RORA: variants seen among roughly 807,000 people sequenced by gnomAD.
RORA encodes nuclear receptor ROR-alpha.
RORA carries 7 observed loss-of-function variants against 69.5 expected under a neutral mutation model. The ratio of observed to expected loss-of-function variants is 0.10; its 90% CI spans 0.06 to 0.19. RORA has a LOEUF of 0.19. Ranked by LOEUF, RORA falls within the 10% of genes least tolerant of loss-of-function variation. The pLI is 1.00. For missense variants in RORA, 457 were observed against 663.0 expected, an observed-to-expected ratio of 0.69 and a Z score of 3.41; for synonymous variants, 261 against 240.8, an observed-to-expected ratio of 1.08 and a Z score of -0.78.
chr15:60,548,716 C>T (rs1292843436), intron 2 of RORA, among the ~76,000 whole-genome samples: 2 of 152,192 alleles, frequency 1.3e-5, no homozygotes, highest in Non-Finnish European at 2.9e-5. Context: ...CGGCTCACTG[C>T]AACCTCCACC....
At chr15:61,124,435 G>A (rs547902915) in intron 1 of RORA, among the ~76,000 whole-genome samples, 1 of 152,240 alleles carries the variant, frequency 6.6e-6, no homozygotes, top group South Asian at 2.1e-4. Flanking sequence ...CTGCCCCTCT[G>A]AGAGCAGAGT....
At chr15:61,077,285 T>C (rs1392837564) in intron 1 of RORA, among the ~76,000 whole-genome samples, 1 of 152,036 alleles carries the variant, frequency 6.6e-6, no homozygotes, top group Admixed American at 6.5e-5. Context: ...AACAAATGAT[T>C]TTAGAAGGAC....
intron 1 of RORA, among the ~76,000 whole-genome samples, chr15:60,763,065 ATTTTTTTTTTTTTT>A (rs374433414): frequency 3.1e-4 from 15 of 48,368 alleles, no homozygotes; most frequent in East Asian, 2.1e-3. Flanking sequence ...ATATGCACAG[ATTTTTTTTTTTTTT>A]TTTTTTTTTT....
chr15:60,511,933 A>G lies in RORA; in HGVS notation c.425-312T>C. ...CCCCCGTTTCCACTGCGCCCCACTG[A>G]TAACTTAATGGGCTTGTTCACTCTC... On this transcript the variant is annotated intron_variant, in intron 4 of 10. Coordinates refer to ENST00000335670, the MANE Select transcript of RORA (RefSeq NM_134261.3). The surrounding 1 kb of genome is among the most constrained non-coding windows in gnomAD (Gnocchi z 6.4). 1 of 295,850 alleles carries G rather than the reference A, an allele frequency of 3.4e-6. No individual in the cohort carries two copies. The highest frequency in any genetic ancestry group is 6.4e-6 in the Non-Finnish European group (1 of 157,124). 18.3% of individuals were successfully genotyped at this position (295,850 alleles called of 1,614,324 possible). A position where few individuals can be genotyped will look rare whatever the true frequency, so the allele number is the denominator to read the frequency against.
intron 2 of RORA, among the ~76,000 whole-genome samples, chr15:60,659,380 G>A (rs575278063): frequency 6.6e-6 from 1 of 152,236 alleles, no homozygotes. Flanking sequence ...CTCTAACATG[G>A]GAGGTGAAGT....
intron 6 of RORA, among the ~76,000 whole-genome samples, chr15:60,505,091 A>G (rs1320894637): frequency 6.6e-6 from 1 of 152,194 alleles, no homozygotes; most frequent in Non-Finnish European, 1.5e-5. Context: ...TTTTTTGTAT[A>G]TACTCCCTAA....
chr15:60,564,597 T>G (rs2140433198), intron 2 of RORA, among the ~76,000 whole-genome samples: 1 of 152,218 alleles, frequency 6.6e-6, no homozygotes, highest in Admixed American at 6.5e-5. Flanking sequence ...TTAAATCTGA[T>G]CTTTTGGTCT....
intron 1 of RORA, among the ~76,000 whole-genome samples, chr15:61,047,784 G>C (rs1420443608): frequency 6.6e-6 from 1 of 152,178 alleles, no homozygotes; most frequent in Non-Finnish European, 1.5e-5. Flanking sequence ...GACCCAGAAA[G>C]AGAAGCAGAG....
At chr15:61,099,423 C>G (rs1487707058) in intron 1 of RORA, among the ~76,000 whole-genome samples, 1 of 152,124 alleles carries the variant, frequency 6.6e-6, no homozygotes, top group East Asian at 1.9e-4. Flanking sequence ...GAAGGGAAAC[C>G]TTTCCTTGGA....
intron 1 of RORA, among the ~76,000 whole-genome samples, chr15:61,180,836 C>T (rs1041587036): frequency 1.8e-4 from 28 of 152,192 alleles, no homozygotes; most frequent in African/African-American, 6.8e-4. Context: ...TGGTGGCTCA[C>T]ACCTGTAATC....
chr15:60,989,423 A>C (rs2140368131), intron 1 of RORA, among the ~76,000 whole-genome samples: 1 of 152,346 alleles, frequency 6.6e-6, no homozygotes, highest in African/African-American at 2.4e-5. Context: ...GCTGAATAAT[A>C]TTCCATTGTA....
chr15:60,650,266 A>G (rs1324786732), intron 2 of RORA, among the ~76,000 whole-genome samples: 1 of 151,914 alleles, frequency 6.6e-6, no homozygotes, highest in Non-Finnish European at 1.5e-5. Context: ...TGGTTTCAGG[A>G]AGCTTAGAGA....
chr15:60,771,936 A>C (rs2072082912), intron 1 of RORA, among the ~76,000 whole-genome samples: 1 of 152,172 alleles, frequency 6.6e-6, no homozygotes, highest in Non-Finnish European at 1.5e-5. Context: ...AACTTCTCTA[A>C]GTATATTCTG....
Position 60,591,545 on chromosome 15 carries a change from T to A in RORA, c.197-59694A>T, listed in dbSNP as rs530278623. Among the ~76,000 whole-genome samples, 4 of 150,642 alleles carry A rather than the reference T, an allele frequency of 2.7e-5. No individual in the cohort carries two copies. In the South Asian group the frequency reaches 8.5e-4, roughly 32 times the overall value. On this transcript the variant is annotated intron_variant, in intron 2 of 10. Coordinates refer to ENST00000335670, the MANE Select transcript of RORA (RefSeq NM_134261.3). The stretch of plus-strand genomic sequence containing the variant: ...CGCCCCCGGCCCGGCTACGGAGTCC[T>A]GATGAGGGCGGAAGGCCGGGCCGCC...
chr15:60,554,573 A>G (rs2067308656), intron 2 of RORA, among the ~76,000 whole-genome samples: 1 of 152,208 alleles, frequency 6.6e-6, no homozygotes, highest in Non-Finnish European at 1.5e-5. Flanking sequence ...CTGAACAATC[A>G]TGGAAAATAT....
rs570354281 is a variant in RORA, at chr15:61,147,069, G to A, written c.166+81984C>T. The stretch of plus-strand genomic sequence containing the variant: ...ATTCCATTTCCTCTGCCACCTCTGA[G>A]TGCTTGGAGAGCACCAAGCGGGCCA... On this transcript the variant is annotated intron_variant, in intron 1 of 10. Transcript: ENST00000335670. This position sits in a 1 kb window ranked among gnomAD's most constrained non-coding sequence, Gnocchi z 4.1. Among the ~76,000 whole-genome samples the A allele has an allele frequency of 1.3e-5, 2 of 152,050 alleles. No individual in the cohort carries two copies. The highest frequency in any genetic ancestry group is 1.9e-4 in the East Asian group (1 of 5,190).
chr15:60,556,943 C>A (rs200670685), intron 2 of RORA: 1 of 1,600,140 alleles, frequency 6.2e-7, no homozygotes. Context: ...TTTGTCCACC[C>A]CAATCCAATG....
intron 1 of RORA, among the ~76,000 whole-genome samples, chr15:60,707,212 G>A (rs2071075057): frequency 2.0e-5 from 3 of 152,006 alleles, no homozygotes; most frequent in Admixed American, 2.0e-4. Flanking sequence ...TCTGGCTGTT[G>A]CGAAGAGAAG....
intron 2 of RORA, among the ~76,000 whole-genome samples, chr15:60,640,903 T>A (rs1234425431): frequency 1.3e-5 from 2 of 152,222 alleles, no homozygotes; most frequent in Non-Finnish European, 2.9e-5. Context: ...ATTTTCTGTT[T>A]TCCCCCATGA....
Sources: gnomAD v4.1 joint callset for allele counts (sites outside exome capture counted in the v4.1 genomes callset) on GRCh38, gnomAD v4.1.1 for gene constraint, Gnocchi (gnomAD v3.1) non-coding constraint, MANE v1.5 for transcripts, NCBI Gene and HGNC (gene_info 2026-07-23, HGNC 2026-07-21) for gene names.